RNPC3: variants seen among roughly 807,000 people sequenced by gnomAD.
RNPC3 encodes the protein RNA-binding region-containing protein 3.
A neutral mutation model predicts 67.5 loss-of-function variants in RNPC3; 48 were observed. That is an observed-to-expected ratio of 0.71 (90% CI 0.56 to 0.90). The LOEUF is 0.90. Among genes scored for constraint, RNPC3 ranks in the 40% least tolerant of loss-of-function variants. The probability of loss-of-function intolerance (pLI) is 0.00; values close to 1 mark genes in which losing one functional copy is unlikely to be tolerated. For missense variants in RNPC3, 637 were observed against 626.1 expected (o/e 1.02, Z -0.19); for synonymous variants, 239 against 210.3 (o/e 1.14, Z -1.18).
intron 10 of RNPC3, chr1:103,545,603 A>G (rs1277474994): frequency 6.6e-6 from 1 of 152,482 alleles, no homozygotes; most frequent in Admixed American, 6.5e-5. Context: ...GATGTGTAGC[A>G]CATAATTTTT....
chr1:103,531,996 G>C (rs1650869596), intron 2 of RNPC3, among the ~76,000 whole-genome samples: 1 of 152,062 alleles, frequency 6.6e-6, no homozygotes, highest in African/African-American at 2.4e-5. Context: ...ATCTTGAGTT[G>C]ATTTTTGTAT....
intron 8 of RNPC3, among the ~76,000 whole-genome samples, chr1:103,542,431 G>A (rs1194532622): frequency 6.6e-6 from 1 of 151,958 alleles, no homozygotes; most frequent in Non-Finnish European, 1.5e-5. Flanking sequence ...AATGTTAGGC[G>A]ATGGAGTTTG....
In RNPC3 at chr1:103,533,781, T is replaced by A; in HGVS notation, c.283T>A (p.Leu95Ile). Residue 95 changes from leucine to isoleucine, a missense_variant, in exon 3 of 15, where the codon TTA becomes ATA. Coordinates refer to ENST00000423855, the MANE Select transcript of RNPC3 (RefSeq NM_017619.4). ...TCAACTGAAACTTTTAGGTCATACTTTAGTCGTTGAATTTGCAAAAGAGCA... is the reference window on the plus strand; with the variant it reads ...TCAACTGAAACTTTTAGGTCATACTATAGTCGTTGAATTTGCAAAAGAGCA... ...LHQLKLLGHT[L>I]VVEFAKEQDR... The A allele has an allele frequency of 6.5e-7, 1 of 1,535,382 alleles. No homozygotes were observed. Among genetic ancestry groups the A allele is most frequent in the Non-Finnish European group, 8.7e-7 (1 of 1,145,512 alleles).
At chr1:103,535,196 G>T in intron 4 of RNPC3, 134 bp from the exon 5 acceptor site, 1 of 579,490 alleles carries the variant, frequency 1.7e-6, no homozygotes, top group Non-Finnish European at 2.9e-6. Flanking sequence ...ATGTACTTTG[G>T]ATCTTTTAGG....
intron 14 of RNPC3, chr1:103,554,747 C>A (rs1348393839): frequency 2.6e-5 from 4 of 152,630 alleles, no homozygotes; most frequent in Middle Eastern, 3.4e-3. Context: ...GAAAAATCTG[C>A]TACTATTATT....
In RNPC3 at chr1:103,555,171, T is replaced by A. The variant is rs1228124386; in HGVS notation, c.*150T>A. 1 of 152,112 alleles carries A rather than the reference T, an allele frequency of 6.6e-6. No homozygotes were observed. Among genetic ancestry groups the A allele is most frequent in the Non-Finnish European group, 1.5e-5 (1 of 67,982 alleles). The allele number at this position is 152,112 out of a possible 1,614,324, so 9.4% of individuals were successfully genotyped here. On this transcript the variant is annotated 3_prime_UTR_variant, in exon 15 of 15. Coordinates refer to ENST00000423855, the MANE Select transcript of RNPC3 (RefSeq NM_017619.4). ...ATCTATATGCCTTTAAATCAGTGAA[T>A]TGGAAACATATTACATGTATTTTAA...
At chr1:103,547,222 G>A (rs1451259391) in intron 12 of RNPC3, among the ~76,000 whole-genome samples, 187 bp downstream of exon 12, 1 of 152,072 alleles carries the variant, frequency 6.6e-6, no homozygotes, top group Non-Finnish European at 1.5e-5. Context: ...CTGTAAATGG[G>A]CAGATAGTAA....
At chr1:103,551,387 T>C (rs1167427498) in intron 13 of RNPC3, 2 of 350,316 alleles carry the variant, frequency 5.7e-6, no homozygotes, top group Non-Finnish European at 1.0e-5. Flanking sequence ...AAGAACTAAT[T>C]CATTTTATCA....
chr1:103,534,967 T>C, intron 4 of RNPC3, 110 bp downstream of exon 4: 1 of 600,402 alleles, frequency 1.7e-6, no homozygotes, highest in Non-Finnish European at 2.8e-6. Context: ...AGATATCTTA[T>C]TGCTTATTGT....
intron 2 of RNPC3, among the ~76,000 whole-genome samples, chr1:103,528,297 AC>A (rs1650764040): frequency 6.6e-6 from 1 of 152,168 alleles, no homozygotes; most frequent in Non-Finnish European, 1.5e-5. Flanking sequence ...GACACTTGAT[AC>A]TTTTGAGCTG....
intron 6 of RNPC3, 69 bp from the exon 7 acceptor site, chr1:103,537,273 A>G (rs1296909093): frequency 3.7e-6 from 4 of 1,068,040 alleles, no homozygotes; most frequent in Non-Finnish European, 5.2e-6. Flanking sequence ...AGAATGAAGT[A>G]TTCAGATGGA....
At chr1:103,545,804 G>A (rs149195426) in intron 10 of RNPC3, 6,192 of 152,228 alleles carry the variant, frequency 0.041, 402 homozygotes, top group African/African-American at 0.14. Context: ...TGATGGTTTG[G>A]GAAATTCACT....
intron 7 of RNPC3, among the ~76,000 whole-genome samples, chr1:103,541,125 A>T (rs2101048305): frequency 6.6e-6 from 1 of 152,262 alleles, no homozygotes; most frequent in Middle Eastern, 3.4e-3. Context: ...GTCTATTTTT[A>T]ATTTTTTCTA....
chr1:103,533,717 A>C, intron 2 of RNPC3, 22 bp from the exon 3 acceptor site: 1 of 1,237,668 alleles, frequency 8.1e-7, no homozygotes, highest in Non-Finnish European at 1.1e-6. Context: ...TGAAATGTTT[A>C]CTCTTGTTCT....
rs564747507 is a variant in RNPC3 at position 103,550,733 on chromosome 1, A to G, written c.1362-208A>G. ...CTTTTATGATAGTTGAGAATAGTTA[A>G]AAGTATATCTTAAACAAATACTACC... On this transcript the variant is annotated intron_variant, in intron 12 of 14. Coordinates refer to ENST00000423855, the MANE Select transcript of RNPC3 (RefSeq NM_017619.4). 3.3e-5 allele frequency among the ~76,000 whole-genome samples: 5 copies of G among 152,288 alleles called. No individual in the cohort carries two copies. In the South Asian group the frequency reaches 1.0e-3, roughly 32 times the overall value.
At chr1:103,537,209 C>A in intron 6 of RNPC3, 133 bp from the exon 7 acceptor site, 2 of 573,822 alleles carry the variant, frequency 3.5e-6, no homozygotes, top group Non-Finnish European at 5.6e-6. Flanking sequence ...CAAGGTGTTC[C>A]CTTAATATGT....
Position 103,533,726 on chromosome 1 carries a change from C to G in RNPC3, c.241-13C>G. On this transcript the variant is annotated splice_polypyrimidine_tract_variant and intron_variant, in intron 2 of 14. Transcript: ENST00000423855. Reference sequence around the variant, plus strand: ...CAATTGTGAAATGTTTACTCTTGTTCTTTTAACTGAAGGCATTGACAAGAC... The same window carrying G: ...CAATTGTGAAATGTTTACTCTTGTTGTTTTAACTGAAGGCATTGACAAGAC... The G allele has an allele frequency of 7.5e-7, 1 of 1,326,588 alleles. No individual in the cohort carries two copies. The highest frequency in any genetic ancestry group is 1.0e-6 in the Non-Finnish European group (1 of 960,622). 82.2% of individuals were successfully genotyped at this position (1,326,588 alleles called of 1,614,324 possible).
At chr1:103,530,792 T>A (rs953697307) in intron 2 of RNPC3, among the ~76,000 whole-genome samples, 5 of 152,108 alleles carry the variant, frequency 3.3e-5, no homozygotes, top group Non-Finnish European at 7.3e-5. Context: ...ATGGTAGTGG[T>A]TAGCGGTGAT....
In RNPC3 at chr1:103,526,256, G is replaced by T. The variant is rs749150289; in HGVS notation, c.186G>T (p.Gly62=). ...AQSVRVLSDK[G]RLKHTAFATF... ...CTGTGCGGGTCCTGTCAGATAAGGGGCGACTGGTAAGGGCGCGCCCCTCCG... is the reference window on the plus strand; with the variant it reads ...CTGTGCGGGTCCTGTCAGATAAGGGTCGACTGGTAAGGGCGCGCCCCTCCG... The change falls in exon 1 of 15, where the codon GGG becomes GGT. Residue 62 remains glycine (G), a synonymous_variant. Coordinates refer to ENST00000423855, the MANE Select transcript of RNPC3 (RefSeq NM_017619.4). The T allele has an allele frequency of 3.0e-5, 46 of 1,541,662 alleles. No homozygotes were observed. Among genetic ancestry groups the T allele is most frequent in the Middle Eastern group, 1.9e-4 (1 of 5,392 alleles).
Sources: gnomAD v4.1 joint callset for allele counts (sites outside exome capture counted in the v4.1 genomes callset) on GRCh38, gnomAD v4.1.1 for gene constraint, MANE v1.5 for transcripts, NCBI Gene and HGNC (gene_info 2026-07-23, HGNC 2026-07-21) for gene names.